The following S100A9 variants were observed in gnomAD, a reference collection of about 807,000 sequenced individuals.
S100A9 encodes the protein protein S100-A9.
In S100A9, 2 loss-of-function variants were observed where a neutral mutation model predicts 4.3. The observed-to-expected ratio is 0.47, with a 90% CI of 0.19 to 1.48. S100A9 has a LOEUF of 1.48. Among genes scored for constraint, S100A9 ranks in the 40% most tolerant of loss-of-function variants. S100A9 has a pLI of 0.24. For missense variants in S100A9, 130 were observed against 144.4 expected (o/e 0.90, Z 0.51); for synonymous variants, 67 against 54.0 (o/e 1.24, Z -1.06).
chr1:153,358,338 T>C lies in S100A9; in HGVS notation c.55T>C (p.Phe19Leu). 1 of 1,612,880 alleles carries C rather than the reference T, an allele frequency of 6.2e-7. No homozygotes were observed. The highest frequency in any genetic ancestry group is 8.5e-7 in the Non-Finnish European group (1 of 1,179,086). Residue 19 changes from phenylalanine (F) to leucine (L), a missense_variant, in exon 2 of 3, where the codon TTC (phenylalanine) becomes CTC (leucine). By Grantham distance (22) the Phe-to-Leu change is conservative. Transcript: ENST00000368738. Reference sequence around the variant, plus strand: ...CAACATAGAGACCATCATCAACACCTTCCACCAATACTCTGTGAAGCTGGG... The same window carrying C: ...CAACATAGAGACCATCATCAACACCCTCCACCAATACTCTGTGAAGCTGGG... ...ERNIETIINTFHQYSVKLGHP... is the reference protein window; with the variant it reads ...ERNIETIINTLHQYSVKLGHP...
chr1:153,359,409 G>A (rs571715700), intron 2 of S100A9, among the ~76,000 whole-genome samples: 9 of 152,206 alleles, frequency 5.9e-5, no homozygotes, highest in East Asian at 1.9e-4. Context: ...CAGAGAGGCC[G>A]CATGGCAAAA....
At position 153,360,665 on chromosome 1, in the gene S100A9, G is replaced by T; in HGVS notation, c.172G>T (p.Val58Phe). The T allele has an allele frequency of 6.2e-7, 1 of 1,613,256 alleles. No homozygotes were observed. Among genetic ancestry groups the T allele is most frequent in the Non-Finnish European group, 8.5e-7 (1 of 1,179,446 alleles). ...FLKKENKNEK[V>F]IEHIMEDLDT... ...GCAGAAGGAGAATAAGAATGAAAAG[G>T]TCATAGAACACATCATGGAGGACCT... Residue 58 changes from valine (V) to phenylalanine (F), a missense_variant, in exon 3 of 3, where the codon GTC becomes TTC. Val to Phe is a conservative substitution (Grantham distance 50, BLOSUM62 -1). Coordinates refer to ENST00000368738, the MANE Select transcript of S100A9 (RefSeq NM_002965.4).
intron 2 of S100A9, among the ~76,000 whole-genome samples, chr1:153,359,680 C>CTTTTTT (rs34039196): frequency 4.8e-5 from 4 of 83,906 alleles, no homozygotes; most frequent in Non-Finnish European, 6.9e-5. Flanking sequence ...GATGTCTCTC[C>CTTTTTT]TTTTTTTTTT....
rs1486674670 is a variant in S100A9 at position 153,360,827 on chromosome 1, G to A, written c.334G>A (p.Gly112Ser). The A allele has an allele frequency of 1.9e-6, 3 of 1,606,544 alleles. No homozygotes were observed. In the African/African-American group the frequency reaches 4.0e-5, roughly 21 times the overall value. ...CCACCATAAGCCAGGCCTCGGGGAG[G>A]GCACCCCCTAAGACCACAGTGGCCA... ...GHHHKPGLGE[G>S]TP The change falls in exon 3 of 3, where the codon GGC becomes AGC. Residue 112 changes from glycine to serine, a missense_variant. Physicochemically the swap from Gly to Ser is moderately conservative, Grantham distance 56. Transcript: ENST00000368738.
chr1:153,359,891 G>A (rs1016489338), intron 2 of S100A9, among the ~76,000 whole-genome samples: 3 of 151,936 alleles, frequency 2.0e-5, no homozygotes, highest in Non-Finnish European at 4.4e-5. Context: ...GTTTCTCCAT[G>A]TTGGTCAGGC....
chr1:153,360,496 C>A (rs1248293930), intron 2 of S100A9, 148 bp from the exon 3 acceptor site: 8 of 591,230 alleles, frequency 1.4e-5, no homozygotes, highest in Admixed American at 3.1e-5. Flanking sequence ...CTCCATTGTG[C>A]GCACTCAGCC....
intron 2 of S100A9, among the ~76,000 whole-genome samples, chr1:153,359,042 A>G (rs905894694): frequency 6.6e-6 from 1 of 152,096 alleles, no homozygotes; most frequent in Non-Finnish European, 1.5e-5. Flanking sequence ...GCACATGGAG[A>G]GCACCTGCAC....
Position 153,360,869 on chromosome 1 carries a change from G to C in S100A9, c.*31G>C. On this transcript the variant is annotated 3_prime_UTR_variant, in exon 3 of 3. Transcript: ENST00000368738. ...CAGTGGCCAAGATCACAGTGGCCAC[G>C]GCCACGGCCACAGTCATGGTGGCCA... 6.7e-7 allele frequency: 1 copy of C among 1,491,924 alleles called. No individual in the cohort carries two copies. The highest frequency in any genetic ancestry group is 9.0e-7 in the Non-Finnish European group (1 of 1,106,432). 92.4% of individuals were successfully genotyped at this position (1,491,924 alleles called of 1,614,324 possible). A position where few individuals can be genotyped will look rare whatever the true frequency, so the allele number is the denominator to read the frequency against.
In S100A9 at chr1:153,360,820, C is replaced by T. The variant is rs757441196; in HGVS notation, c.327C>T (p.Leu109=). The T allele has an allele frequency of 1.4e-5, 22 of 1,608,978 alleles. No individual in the cohort carries two copies. Among genetic ancestry groups the T allele is most frequent in the East Asian group, 2.2e-5 (1 of 44,714 alleles). Residue 109 remains leucine (L), a synonymous_variant, in exon 3 of 3, where the codon CTC becomes CTT. Transcript: ENST00000368738. ...CTGGCCACCACCATAAGCCAGGCCT[C>T]GGGGAGGGCACCCCCTAAGACCACA... ...EGPGHHHKPG[L]GEGTP is the part of the protein sequence containing the mutation.
intron 2 of S100A9, among the ~76,000 whole-genome samples, chr1:153,359,526 G>A (rs934223125): frequency 6.6e-6 from 1 of 152,076 alleles, no homozygotes; most frequent in African/African-American, 2.4e-5. Flanking sequence ...TGGATGGGCT[G>A]CACAGGAGAG....
chr1:153,359,132 A>G (rs1239432355), intron 2 of S100A9, among the ~76,000 whole-genome samples: 1 of 152,164 alleles, frequency 6.6e-6, no homozygotes, highest in Non-Finnish European at 1.5e-5. Context: ...AGCACTTCCA[A>G]CAGCCTTTTT....
Position 153,360,706 on chromosome 1 carries a change from C to A in S100A9, c.213C>A (p.Asp71Glu), listed in dbSNP as rs538954845. The part of the protein sequence containing the change: ...HIMEDLDTNA[D>E]KQLSFEEFIM... ...TGGAGGACCTGGACACAAATGCAGA[C>A]AAGCAGCTGAGCTTCGAGGAGTTCA... The change falls in exon 3 of 3, where the codon GAC becomes GAA. Residue 71 changes from aspartate (D) to glutamate (E), a missense_variant. Physicochemically the swap from Asp to Glu is conservative, Grantham distance 45 (BLOSUM62 2). Coordinates refer to ENST00000368738, the MANE Select transcript of S100A9 (RefSeq NM_002965.4). The A allele has an allele frequency of 6.2e-7, 1 of 1,614,046 alleles. No individual in the cohort carries two copies. Among genetic ancestry groups the A allele is most frequent in the Non-Finnish European group, 8.5e-7 (1 of 1,179,890 alleles).
chr1:153,360,004 C>T (rs906284386), intron 2 of S100A9, among the ~76,000 whole-genome samples: 1 of 152,040 alleles, frequency 6.6e-6, no homozygotes, highest in Non-Finnish European at 1.5e-5. Flanking sequence ...CCCTTTTATA[C>T]TTTATCACAC....
intron 2 of S100A9, 91 bp downstream of exon 2, chr1:153,358,524 G>A (rs1661389279): frequency 9.3e-7 from 1 of 1,074,390 alleles, no homozygotes; most frequent in Non-Finnish European, 1.3e-6. Context: ...CAATCAAGGG[G>A]AAGATTTGAG....
At chr1:153,358,672 A>T (rs888670279) in intron 2 of S100A9, among the ~76,000 whole-genome samples, 1 of 152,154 alleles carries the variant, frequency 6.6e-6, no homozygotes, top group African/African-American at 2.4e-5. Flanking sequence ...GGGCAGAGGG[A>T]TGTAGTGGTA....
Position 153,359,453 on chromosome 1 carries a change from C to G in S100A9, c.150+1020C>G, listed in dbSNP as rs75675331. On this transcript the variant is annotated intron_variant, in intron 2 of 2. Transcript: ENST00000368738. ...CATGTGACCCCCTATGCCCGCTTCACCCCCCACCTGACATCCCCCACCAGA... is the reference window on the plus strand; with the variant it reads ...CATGTGACCCCCTATGCCCGCTTCAGCCCCCACCTGACATCCCCCACCAGA... Among the ~76,000 whole-genome samples, 916 of 152,074 alleles carry G rather than the reference C, an allele frequency of 6.0e-3. 11 individuals carry two copies. Among genetic ancestry groups the G allele is most frequent in the African/African-American group, 0.021 (868 of 41,490 alleles).
chr1:153,358,532 G>T, intron 2 of S100A9, 99 bp downstream of exon 2: 1 of 966,240 alleles, frequency 1.0e-6, no homozygotes, highest in Non-Finnish European at 1.5e-6. Flanking sequence ...GGGAAGATTT[G>T]AGCTCCTGGA....
chr1:153,358,533 A>C, intron 2 of S100A9, 100 bp downstream of exon 2: 1 of 965,376 alleles, frequency 1.0e-6, no homozygotes, highest in Admixed American at 3.0e-5. Context: ...GGAAGATTTG[A>C]GCTCCTGGAG....
intron 2 of S100A9, 115 bp downstream of exon 2, chr1:153,358,548 G>GC: frequency 1.3e-6 from 1 of 797,786 alleles, no homozygotes; most frequent in Non-Finnish European, 1.9e-6. Context: ...CTGGAGCCCA[G>GC]CCCCAAGACG....
Sources: gnomAD v4.1 joint callset for allele counts (sites outside exome capture counted in the v4.1 genomes callset) on GRCh38, gnomAD v4.1.1 for gene constraint, MANE v1.5 for transcripts, NCBI Gene and HGNC (gene_info 2026-07-23, HGNC 2026-07-21) for gene names.